Variants in DLG2 observed in about 807,000 individuals in gnomAD.
DLG2 encodes discs large MAGUK scaffold protein 2.
Under a neutral mutation model 132.5 loss-of-function variants are expected in DLG2, and 45 were observed. The observed-to-expected ratio is 0.34, with a 90% CI of 0.27 to 0.44. The LOEUF is 0.44. Among genes scored for constraint, DLG2 ranks in the 20% least tolerant of loss-of-function variants. The pLI is 1.00. For missense variants in DLG2, 1,045 were observed against 1,196.9 expected (o/e 0.87, Z 1.87); for synonymous variants, 424 against 419.6 (o/e 1.01, Z -0.13).
intron 7 of DLG2, among the ~76,000 whole-genome samples, chr11:84,510,715 T>G (rs529595708): frequency 1.3e-5 from 2 of 152,328 alleles, no homozygotes; most frequent in African/African-American, 4.8e-5. Context: ...AGTCATTCGT[T>G]GAAGGAAGAC....
intron 4 of DLG2, among the ~76,000 whole-genome samples, chr11:85,251,975 C>A (rs1237777644): frequency 2.6e-5 from 4 of 152,124 alleles, no homozygotes; most frequent in Non-Finnish European, 4.4e-5. Flanking sequence ...ATAGTTATTT[C>A]TTTTGTCCAC....
At chr11:84,460,472 A>C (rs943615534) in intron 7 of DLG2, among the ~76,000 whole-genome samples, 9 of 150,574 alleles carry the variant, frequency 6.0e-5, no homozygotes, top group African/African-American at 1.7e-4. Context: ...TACTATACAC[A>C]GAGTTAGCTC....
chr11:83,898,392 T>C (rs1272883557), intron 15 of DLG2, among the ~76,000 whole-genome samples: 2 of 152,066 alleles, frequency 1.3e-5, no homozygotes, highest in African/African-American at 4.8e-5. Context: ...ATACTTTGTG[T>C]CTAAAATTGT....
intron 6 of DLG2, among the ~76,000 whole-genome samples, chr11:84,596,225 T>C (rs1057476063): frequency 6.6e-6 from 1 of 151,772 alleles, no homozygotes; most frequent in Non-Finnish European, 1.5e-5. Context: ...TCTCTTTCTC[T>C]TGACGGAGCT....
At chr11:85,019,829 G>A (rs972380987) in intron 6 of DLG2, among the ~76,000 whole-genome samples, 4 of 152,140 alleles carry the variant, frequency 2.6e-5, no homozygotes, top group African/African-American at 9.7e-5. Flanking sequence ...AGTACTCCAT[G>A]GTGTATATGT....
At chr11:83,719,537 A>C (rs907760447) in intron 18 of DLG2, among the ~76,000 whole-genome samples, 6 of 152,300 alleles carry the variant, frequency 3.9e-5, no homozygotes, top group African/African-American at 1.4e-4. Flanking sequence ...CAAAAGGGGA[A>C]GGTTAGCGGG....
At chr11:84,229,239 G>A (rs2097055672) in intron 8 of DLG2, among the ~76,000 whole-genome samples, 1 of 152,068 alleles carries the variant, frequency 6.6e-6, no homozygotes, top group Non-Finnish European at 1.5e-5. Context: ...ATAAAAAAGA[G>A]CGAACACAGA....
intron 19 of DLG2, among the ~76,000 whole-genome samples, chr11:83,566,712 G>GGTGTGTGTGTGTGTGT (rs59829516): frequency 1.6e-4 from 23 of 144,044 alleles, no homozygotes; most frequent in African/African-American, 5.8e-4. Context: ...CAGAGGGCAT[G>GGTGTGTGTGTGTGTGT]GTGTGTGTGT....
intron 6 of DLG2, among the ~76,000 whole-genome samples, chr11:84,905,967 T>C (rs1371413502): frequency 6.6e-6 from 1 of 152,168 alleles, no homozygotes; most frequent in Non-Finnish European, 1.5e-5. Flanking sequence ...ATCACACCAA[T>C]GATTAAAAAT....
At chr11:85,192,628 T>C (rs2152534647) in intron 4 of DLG2, among the ~76,000 whole-genome samples, 1 of 152,352 alleles carries the variant, frequency 6.6e-6, no homozygotes, top group Admixed American at 6.5e-5. Flanking sequence ...TCTTATTTTA[T>C]CTGGAATAAG....
chr11:85,280,470 T>A (rs1407343620), intron 4 of DLG2, among the ~76,000 whole-genome samples: 1 of 152,114 alleles, frequency 6.6e-6, no homozygotes, highest in Non-Finnish European at 1.5e-5. Context: ...TGTTCTGCTA[T>A]ACCAAGCAGC....
intron 17 of DLG2, among the ~76,000 whole-genome samples, chr11:83,830,965 G>A (rs2054324843): frequency 6.6e-6 from 1 of 152,226 alleles, no homozygotes; most frequent in Non-Finnish European, 1.5e-5. Context: ...AAGCCAGGAT[G>A]ATGAAGATAC....
At chr11:83,854,440 T>C (rs779629029) in intron 16 of DLG2, among the ~76,000 whole-genome samples, 10 of 152,140 alleles carry the variant, frequency 6.6e-5, no homozygotes, top group Non-Finnish European at 1.5e-4. Flanking sequence ...AGGATAACAC[T>C]ACCTAGCTTC....
chr11:84,734,686 T>C (rs940848312), intron 6 of DLG2, among the ~76,000 whole-genome samples: 1 of 151,944 alleles, frequency 6.6e-6, no homozygotes, highest in Non-Finnish European at 1.5e-5. Flanking sequence ...TGAATAGGAG[T>C]GGTGAGAGAG....
At chr11:83,912,925 A>G (rs1036622063) in intron 15 of DLG2, among the ~76,000 whole-genome samples, 7 of 152,084 alleles carry the variant, frequency 4.6e-5, no homozygotes, top group Admixed American at 4.6e-4. Flanking sequence ...GAGCTTAAGG[A>G]GCCAATTTAA....
At chr11:84,374,262 C>T (rs545458905) in intron 7 of DLG2, among the ~76,000 whole-genome samples, 1 of 152,274 alleles carries the variant, frequency 6.6e-6, no homozygotes, top group South Asian at 2.1e-4. Flanking sequence ...TAACTCAATG[C>T]CACAGTAATC....
At chr11:84,183,013 A>G (rs1327765420) in intron 8 of DLG2, among the ~76,000 whole-genome samples, 1 of 152,168 alleles carries the variant, frequency 6.6e-6, no homozygotes, top group East Asian at 1.9e-4. Context: ...TTTTCTTGAA[A>G]GACACCATGT....
intron 4 of DLG2, among the ~76,000 whole-genome samples, chr11:85,172,296 G>T (rs535916551): frequency 3.3e-5 from 5 of 152,334 alleles, no homozygotes; most frequent in African/African-American, 1.2e-4. Flanking sequence ...CTTCACTGAT[G>T]ATATCTCCAG....
chr11:85,468,396 G>T (rs1428838690), intron 3 of DLG2, among the ~76,000 whole-genome samples: 1 of 152,054 alleles, frequency 6.6e-6, no homozygotes, highest in African/African-American at 2.4e-5. Flanking sequence ...TCTTTTAATT[G>T]TGATGTTCGG....
Sources: allele counts gnomAD v4.1 joint callset (sites outside exome capture counted in the v4.1 genomes callset), GRCh38; gene constraint gnomAD v4.1.1; transcripts MANE v1.5; gene names NCBI Gene and HGNC (gene_info 2026-07-23, HGNC 2026-07-21).